LUC7L: variants seen among roughly 807,000 people sequenced by gnomAD.
LUC7L encodes LUC7 like.
Under a neutral mutation model 51.1 loss-of-function variants are expected in LUC7L, and 29 were observed. The observed-to-expected ratio is 0.57, with a 90% confidence interval of 0.42 to 0.77. LUC7L has a LOEUF of 0.77. Ranked by LOEUF, LUC7L falls within the 30% of genes least tolerant of loss-of-function variation. The pLI, the probability that LUC7L is intolerant of heterozygous loss-of-function variation, is 0.00. For missense variants in LUC7L, 403 were observed against 511.9 expected, an observed-to-expected ratio of 0.79 and a Z score of 2.05; for synonymous variants, 181 against 180.7, an observed-to-expected ratio of 1.00 and a Z score of -0.01.
At chr16:224,663 C>T (rs2050075200) in intron 2 of LUC7L, among the ~76,000 whole-genome samples, 1 of 151,660 alleles carries the variant, frequency 6.6e-6, no homozygotes, top group South Asian at 2.1e-4. Flanking sequence ...AACCCCATCT[C>T]TACTAAAAAT....
rs559395335 is a variant in LUC7L at position 223,839 on chromosome 16, T to G, written c.157-3092A>C. Among the ~76,000 whole-genome samples, 4 of 151,948 alleles carry G rather than the reference T, an allele frequency of 2.6e-5. No homozygotes were observed. In the South Asian group the frequency reaches 6.2e-4, roughly 24 times the overall value. ...GGCACGCCACCACGCCCGGCTAATA[T>G]TTTTGTATTTTTAGTAGAGACAGGT... is the stretch of plus-strand genomic sequence containing the variant. On this transcript the variant is annotated intron_variant, in intron 2 of 9. Transcript: ENST00000293872.
chr16:221,898 T>G (rs955323179), intron 2 of LUC7L, among the ~76,000 whole-genome samples: 1 of 152,138 alleles, frequency 6.6e-6, no homozygotes, highest in African/African-American at 2.4e-5. Flanking sequence ...TGTAGCTGAT[T>G]GTGTATCAAA....
chr16:217,445 G>A (rs777552753), intron 3 of LUC7L, among the ~76,000 whole-genome samples: 9 of 152,016 alleles, frequency 5.9e-5, no homozygotes, highest in East Asian at 1.9e-4. Flanking sequence ...AGTGGCTCAC[G>A]CCTGTAATCT....
rs2049217611 is a variant in LUC7L at position 198,298 on chromosome 16, A to T, written c.687+764T>A. Among the ~76,000 whole-genome samples, 18 of 151,536 alleles carry T rather than the reference A, an allele frequency of 1.2e-4. No individual in the cohort carries two copies. In the South Asian group the frequency reaches 3.7e-3, roughly 32 times the overall value. ...CATCTCAAAAAAAAAAAAAAAAAAA[A>T]AAAAAAAAGTTTTTAAATGTCTTAG... is the stretch of plus-strand genomic sequence containing the variant. On this transcript the variant is annotated intron_variant, in intron 6 of 9. Coordinates refer to ENST00000293872, the MANE Select transcript of LUC7L (RefSeq NM_201412.3).
At chr16:211,763 A>C (rs2049646864) in intron 3 of LUC7L, among the ~76,000 whole-genome samples, 1 of 152,186 alleles carries the variant, frequency 6.6e-6, no homozygotes, top group Non-Finnish European at 1.5e-5. Flanking sequence ...CAGCACAAAG[A>C]CTTGTGTCCT....
intron 5 of LUC7L, among the ~76,000 whole-genome samples, chr16:201,256 A>C (rs1019919756): frequency 3.3e-5 from 5 of 151,042 alleles, no homozygotes; most frequent in African/African-American, 1.2e-4. Context: ...AAAAAAAAAA[A>C]AAAAAAAAAA....
rs774176293 is a variant in LUC7L, at chr16:189,989, C to G, written c.953G>C (p.Arg318Pro). The change falls in exon 9 of 10, where the codon CGG becomes CCG. Residue 318 changes from arginine (R) to proline (P), a missense_variant. By Grantham distance (103) the Arg-to-Pro change is moderately radical. This residue lies in a region of LUC7L where 206 missense variants were observed against 218.3 expected (regional missense o/e 0.94). Coordinates refer to ENST00000293872, the MANE Select transcript of LUC7L (RefSeq NM_201412.3). ...SHSRGHRRAS[R>P]DRSAKYKFSR... ...TTACTTGTATTTCGCACTTCGGTCC[C>G]GGGAAGCCCGACGATGTCCCCGGCT... 5.0e-6 allele frequency: 8 copies of G among 1,613,318 alleles called. No homozygotes were observed. The highest frequency in any genetic ancestry group is 6.8e-6 in the Non-Finnish European group (8 of 1,179,384).
chr16:219,539 G>A (rs992766739), intron 3 of LUC7L, among the ~76,000 whole-genome samples: 1 of 151,998 alleles, frequency 6.6e-6, no homozygotes, highest in Non-Finnish European at 1.5e-5. Context: ...TAATCATGCT[G>A]CTGCACTCCA....
chr16:222,951 T>TAA lies in LUC7L; in HGVS notation c.157-2206_157-2205dup, dbSNP rs376499817. Among the ~76,000 whole-genome samples, 66 of 119,886 alleles carry TAA rather than the reference T, an allele frequency of 5.5e-4. 1 individual carries two copies. Among genetic ancestry groups the TAA allele is most frequent in the African/African-American group, 1.5e-3 (50 of 32,936 alleles). 78.6% of individuals were successfully genotyped at this position (119,886 alleles called of 152,430 possible). ...AGCTTTTTAAAGAGACCCCGTCTTT[T>TAA]AAAAAAAAAAAAAAAAAAAGAAAGG... On this transcript the variant is annotated intron_variant, in intron 2 of 9. Transcript: ENST00000293872.
chr16:204,451 G>A (rs1002539937), intron 5 of LUC7L, among the ~76,000 whole-genome samples: 3 of 151,950 alleles, frequency 2.0e-5, no homozygotes, highest in East Asian at 1.9e-4. Context: ...AAAATTAGCC[G>A]GGCGTGGTGG....
chr16:229,259 G>T lies in LUC7L; in HGVS notation c.61+20C>A. On this transcript the variant is annotated intron_variant, in intron 1 of 9. Transcript: ENST00000293872. ...TCACTCCCACCCCAGACCCTCGCCT[G>T]GTTGGCCGCTCTGACTCACCGTCCC... The T allele has an allele frequency of 6.5e-7, 1 of 1,532,340 alleles. No individual in the cohort carries two copies. The allele number at this position is 1,532,340 out of a possible 1,614,324, so 94.9% of individuals were successfully genotyped here. A position where few individuals can be genotyped will look rare whatever the true frequency, so the allele number is the denominator to read the frequency against.
rs2048970849 is a variant in LUC7L, at chr16:190,055, CG to C, written c.886del (p.Arg296GlufsTer84). ...ERRKLSRSRS[R>X]DRHRRHRSRS... Reference sequence around the variant, plus strand: ...GCTGCGGTGGCGCCGATGTCTATCTCGGGACCGGGACCGGGACAATTTCCGT... The same window carrying C: ...GCTGCGGTGGCGCCGATGTCTATCTCGGACCGGGACCGGGACAATTTCCGT... On this transcript the variant is annotated frameshift_variant, in exon 9 of 10. Coordinates refer to ENST00000293872, the MANE Select transcript of LUC7L (RefSeq NM_201412.3). LOFTEE classifies it high-confidence loss of function. 1 of 1,613,538 alleles carries C rather than the reference CG, an allele frequency of 6.2e-7. No homozygotes were observed. Among genetic ancestry groups the C allele is most frequent in the Non-Finnish European group, 8.5e-7 (1 of 1,179,976 alleles).
Position 204,074 on chromosome 16 carries a change from G to C in LUC7L, c.510+1930C>G, listed in dbSNP as rs1014960619. ...TGACCAATTACACCAGCACCCGCAA[G>C]CATGAAATATTTAGGTAGAAATCTA... is the stretch of plus-strand genomic sequence containing the variant. On this transcript the variant is annotated intron_variant, in intron 5 of 9. Transcript: ENST00000293872. Among the ~76,000 whole-genome samples the C allele has an allele frequency of 5.5e-4, 83 of 152,176 alleles. 1 individual carries two copies. Among genetic ancestry groups the C allele is most frequent in the Non-Finnish European group, 1.5e-5 (1 of 67,990 alleles).
Position 199,162 on chromosome 16 carries a change from T to C in LUC7L, c.587A>G (p.Tyr196Cys). 1 of 1,613,118 alleles carries C rather than the reference T, an allele frequency of 6.2e-7. No homozygotes were observed. The highest frequency in any genetic ancestry group is 8.5e-7 in the Non-Finnish European group (1 of 1,179,136). The change falls in exon 6 of 10, where the codon TAC becomes TGC. Residue 196 changes from tyrosine (Y) to cysteine (C), a missense_variant. By Grantham distance (194) the Tyr-to-Cys change is radical (BLOSUM62 -2). Coordinates refer to ENST00000293872, the MANE Select transcript of LUC7L (RefSeq NM_201412.3). ...KLRVCEVCSA[Y>C]LGLHDNDRRL... ...ACGGTCATTGTCATGGAGACCAAGG[T>C]AGGCTGAACAGACCTCGCAGACACG...
Position 190,094 on chromosome 16 carries a change from G to A in LUC7L, c.848C>T (p.Thr283Ile). The A allele has an allele frequency of 6.2e-7, 1 of 1,613,090 alleles. No individual in the cohort carries two copies. The highest frequency in any genetic ancestry group is 8.5e-7 in the Non-Finnish European group (1 of 1,180,014). Residue 283 changes from threonine to isoleucine, a missense_variant, in exon 9 of 10, where the codon ACC becomes ATC. By Grantham distance (89) the Thr-to-Ile change is moderately conservative. Coordinates refer to ENST00000293872, the MANE Select transcript of LUC7L (RefSeq NM_201412.3). ...RDRRRRRSRS[T>I]SRERRKLSRS... ...GGACAATTTCCGTCGCTCTCGGGAG[G>A]TAGATCTTGACCGCCTCCGACGCCG...
At chr16:204,660 T>A (rs2009007) in intron 5 of LUC7L, among the ~76,000 whole-genome samples, 1 of 152,156 alleles carries the variant, frequency 6.6e-6, no homozygotes. Flanking sequence ...TACTGTGCTG[T>A]ACTGATCACT....
At chr16:228,182 G>C in intron 1 of LUC7L, 6 of 1,259,848 alleles carry the variant, frequency 4.8e-6, no homozygotes, top group Non-Finnish European at 6.2e-6. Flanking sequence ...CGCTAGAGGA[G>C]GAATATATTT....
chr16:217,460 A>G (rs2049835785), intron 3 of LUC7L, among the ~76,000 whole-genome samples: 1 of 151,920 alleles, frequency 6.6e-6, no homozygotes, highest in East Asian at 1.9e-4. Flanking sequence ...TAATCTCAAC[A>G]CTCTGGGAGG....
chr16:215,072 T>C lies in LUC7L; in HGVS notation c.255+5577A>G, dbSNP rs146049330. ...GCAGAACAAGATCCTATCTCAATAG[T>C]TGTATTACATCTTTTTTTTCCTCTT... is the stretch of plus-strand genomic sequence containing the variant. On this transcript the variant is annotated intron_variant, in intron 3 of 9. Transcript: ENST00000293872. 2.5e-3 allele frequency among the ~76,000 whole-genome samples: 377 copies of C among 152,206 alleles called. 2 individuals are homozygous for C. Among genetic ancestry groups the C allele is most frequent in the African/African-American group, 8.1e-3 (336 of 41,552 alleles).
Sources: allele counts gnomAD v4.1 joint callset (sites outside exome capture counted in the v4.1 genomes callset), GRCh38; gene constraint gnomAD v4.1.1; regional missense constraint gnomAD v4.1.1; transcripts MANE v1.5; gene names NCBI Gene and HGNC (gene_info 2026-07-23, HGNC 2026-07-21).